The following ERAP1 variants were observed in gnomAD, a reference collection of about 807,000 sequenced individuals.
ERAP1 encodes the protein adipocyte-derived leucine aminopeptidase.
ERAP1 carries 86 observed loss-of-function variants against 103.7 expected under a neutral mutation model. That is an observed-to-expected ratio of 0.83 (90% CI 0.70 to 0.99). The LOEUF (loss-of-function observed/expected upper bound fraction) is 0.99. ERAP1 is among the 50% of genes least tolerant of loss of function. ERAP1 has a pLI of 0.00. For missense variants in ERAP1, 1,009 were observed against 1,128.4 expected (o/e 0.89, Z 1.52); for synonymous variants, 398 against 402.4 (o/e 0.99, Z 0.13).
intron 19 of ERAP1, chr5:96,767,765 A>G: frequency 1.6e-6 from 1 of 633,182 alleles, no homozygotes; most frequent in South Asian, 2.0e-5. Context: ...TCTCCTTTAC[A>G]ATACATTATT....
the ERAP1 span, among the ~76,000 whole-genome samples, chr5:96,900,910 C>G: frequency 1.3e-5 from 2 of 152,116 alleles, no homozygotes; most frequent in Non-Finnish European, 2.9e-5. Flanking sequence ...GGCAATTCGC[C>G]CACCTTGGCC....
chr5:96,823,739 G>T, the ERAP1 span, among the ~76,000 whole-genome samples: 28 of 152,254 alleles, frequency 1.8e-4, no homozygotes, highest in African/African-American at 6.7e-4. Flanking sequence ...ATGGATAGAA[G>T]ATTTGTTTCT....
chr5:96,816,689 CA>C, the ERAP1 span, among the ~76,000 whole-genome samples: 1 of 152,136 alleles, frequency 6.6e-6, no homozygotes, highest in Non-Finnish European at 1.5e-5. Context: ...TATAGTACCC[CA>C]GGAGGGAATT....
chr5:96,812,880 G>A (rs528524579), upstream of ERAP1, among the ~76,000 whole-genome samples: 2 of 152,320 alleles, frequency 1.3e-5, no homozygotes, highest in African/African-American at 4.8e-5. Context: ...GTGGTTCTAG[G>A]AATGCTTGCA....
chr5:96,764,786 G>A (rs764220599), intron 19 of ERAP1, among the ~76,000 whole-genome samples: 19 of 152,230 alleles, frequency 1.2e-4, no homozygotes, highest in Non-Finnish European at 1.9e-4. Context: ...CTAACCATCT[G>A]ACAACATTAG....
chr5:96,828,828 A>C, the ERAP1 span, among the ~76,000 whole-genome samples: 1 of 152,174 alleles, frequency 6.6e-6, no homozygotes, highest in Non-Finnish European at 1.5e-5. Context: ...TCAATTTAAT[A>C]GTATTTTTCT....
At chr5:96,883,677 T>C in the ERAP1 span, 1 of 1,042,852 alleles carries the variant, frequency 9.6e-7, no homozygotes, top group Non-Finnish European at 1.4e-6. Flanking sequence ...AGATTGCAGT[T>C]TGAGAAATCA....
At chr5:96,859,977 A>G in the ERAP1 span, among the ~76,000 whole-genome samples, 3 of 152,200 alleles carry the variant, frequency 2.0e-5, no homozygotes, top group Non-Finnish European at 4.4e-5. Flanking sequence ...AGTGAATGGC[A>G]TATCGTTTTG....
At chr5:96,768,567 C>T (rs537906397) in intron 19 of ERAP1, 8 of 340,974 alleles carry the variant, frequency 2.3e-5, no homozygotes, top group Middle Eastern at 4.3e-4. Context: ...CACTGCTTAA[C>T]GTTATTTCTT....
the ERAP1 span, chr5:96,915,972 C>T: frequency 7.8e-5 from 29 of 373,270 alleles, no homozygotes; most frequent in South Asian, 1.5e-4. Flanking sequence ...CCTGTAATCC[C>T]ACCACTTTGG....
At position 96,803,719 on chromosome 5, in the gene ERAP1, T is replaced by C; in HGVS notation, c.208A>G (p.Asn70Asp). The C allele has an allele frequency of 6.2e-7, 1 of 1,614,176 alleles. No individual in the cohort carries two copies. The highest frequency in any genetic ancestry group is 8.5e-7 in the Non-Finnish European group (1 of 1,180,024). ...PVHYDLLIHA[N>D]LTTLTFWGTT... ...CCCCAGAAGGTCAGCGTGGTAAGGT[T>C]TGCATGGATCAAGAGATCATAATGA... is the stretch of plus-strand genomic sequence containing the variant. The change falls in exon 2 of 19, where the codon AAC becomes GAC. Residue 70 changes from asparagine (N) to aspartate (D), a missense_variant. Physicochemically the swap from Asn to Asp is conservative, Grantham distance 23 (BLOSUM62 1). Coordinates refer to ENST00000443439, the MANE Select transcript of ERAP1 (RefSeq NM_001040458.3).
the ERAP1 span, among the ~76,000 whole-genome samples, chr5:96,856,878 T>A: frequency 2.4e-4 from 37 of 152,206 alleles, no homozygotes; most frequent in Non-Finnish European, 4.7e-4. Flanking sequence ...TGCTCCCTCT[T>A]ATTGGACTTT....
At position 96,785,972 on chromosome 5, in the gene ERAP1, C is replaced by G; in HGVS notation, c.1760-1G>C. ...ACCTCTTCTGGGAGGATGAGCACAT[C>G]TAGAGTAAATAAAATAAATCAAAGT... On this transcript the variant is annotated splice_acceptor_variant, in intron 12 of 18. Transcript: ENST00000443439. LOFTEE classifies it high-confidence loss of function. The G allele has an allele frequency of 6.2e-7, 1 of 1,613,872 alleles. No individual in the cohort carries two copies. Among genetic ancestry groups the G allele is most frequent in the Non-Finnish European group, 8.5e-7 (1 of 1,179,902 alleles).
At chr5:96,885,556 A>G in the ERAP1 span, among the ~76,000 whole-genome samples, 2 of 152,220 alleles carry the variant, frequency 1.3e-5, no homozygotes, top group African/African-American at 4.8e-5. Context: ...TTGCCATCAA[A>G]GTAGACTAGA....
chr5:96,896,389 A>T, the ERAP1 span: 10 of 1,609,638 alleles, frequency 6.2e-6, no homozygotes, highest in South Asian at 3.3e-5. Flanking sequence ...TATTTTTTGA[A>T]TGTGTGTTTT....
At chr5:96,774,371 A>C (rs1006803110), downstream of ERAP1, 4 of 323,452 alleles carry the variant, frequency 1.2e-5, no homozygotes, top group Non-Finnish European at 1.8e-5. Context: ...AATTAGAAAT[A>C]TCTTCGAGAC....
At chr5:96,917,221 C>T in the ERAP1 span, among the ~76,000 whole-genome samples, 1 of 139,812 alleles carries the variant, frequency 7.2e-6, no homozygotes, top group Non-Finnish European at 1.6e-5. Flanking sequence ...ATCCTCCCGC[C>T]TCAGCCTTCC....
chr5:96,883,464 A>G, the ERAP1 span, among the ~76,000 whole-genome samples: 11 of 152,348 alleles, frequency 7.2e-5, no homozygotes, highest in Admixed American at 6.5e-4. Context: ...CATGTAGACA[A>G]CATGTGTACT....
intron 11 of ERAP1, 152 bp downstream of exon 11, chr5:96,788,379 G>A: frequency 1.1e-6 from 1 of 889,942 alleles, no homozygotes; most frequent in Non-Finnish European, 1.8e-6. Flanking sequence ...GGAAGATGGG[G>A]GCAGGGAGTA....
Sources: allele counts gnomAD v4.1 joint callset (sites outside exome capture counted in the v4.1 genomes callset), GRCh38; gene constraint gnomAD v4.1.1; transcripts MANE v1.5; gene names NCBI Gene and HGNC (gene_info 2026-07-23, HGNC 2026-07-21).